The following PC variants were observed in gnomAD, a reference collection of about 807,000 sequenced individuals.
PC encodes pyruvate carboxylase, also known as pyruvate carboxylase, mitochondrial.
PC carries 46 observed loss-of-function variants against 107.8 expected under a neutral mutation model. The ratio of observed to expected loss-of-function variants is 0.43; its 90% CI spans 0.34 to 0.55. The LOEUF (loss-of-function observed/expected upper bound fraction) is 0.55. PC is among the 20% of genes least tolerant of loss of function. The probability of loss-of-function intolerance (pLI) is 0.04; values close to 1 mark genes in which losing one functional copy is unlikely to be tolerated. For missense variants in PC, 1,241 were observed against 1,643.1 expected, an observed-to-expected ratio of 0.76 and a Z score of 4.23; for synonymous variants, 662 against 684.7, an observed-to-expected ratio of 0.97 and a Z score of 0.52.
At chr11:66,953,714 GGCCCT>G (rs2136160423) in intron 2 of PC, among the ~76,000 whole-genome samples, 1 of 152,264 alleles carries the variant, frequency 6.6e-6, no homozygotes, top group South Asian at 2.1e-4. Context: ...TGTACACTCA[GGCCCT>G]GCCCACAAAG....
chr11:66,931,997 C>T lies in PC; in HGVS notation c.-1+20433G>A, dbSNP rs1305230275. Reference sequence around the variant, plus strand: ...TCACGCCACTGCACTCCAGCCTGGGCGACAGAGCGAGACTCTGTCTCAAAA... The same window carrying T: ...TCACGCCACTGCACTCCAGCCTGGGTGACAGAGCGAGACTCTGTCTCAAAA... On this transcript the variant is annotated intron_variant, in intron 3 of 22. Transcript: ENST00000393960. Among the ~76,000 whole-genome samples, 122 of 140,300 alleles carry T rather than the reference C, an allele frequency of 8.7e-4. 2 individuals are homozygous for T. Among genetic ancestry groups the T allele is most frequent in the Admixed American group, 8.1e-3 (108 of 13,294 alleles). The allele number at this position is 140,300 out of a possible 152,430, so 92.0% of individuals were successfully genotyped here. A position where few individuals can be genotyped will look rare whatever the true frequency, so the allele number is the denominator to read the frequency against.
Position 66,858,104 on chromosome 11 carries a change from C to T in PC, c.1369-4721G>A, listed in dbSNP as rs753124954. ...GCACCGGGAGCCTCCGGGGCCCCGT[C>T]AATCTGCAGCACCTCATCCTCAGCG... On this transcript the variant is annotated intron_variant, in intron 12 of 22. Transcript: ENST00000393960. This position sits in a 1 kb window ranked among gnomAD's most constrained non-coding sequence, Gnocchi z 5.9. The T allele has an allele frequency of 3.7e-6, 6 of 1,609,966 alleles. No individual in the cohort carries two copies. In the Admixed American group the frequency reaches 1.0e-4, roughly 27 times the overall value.
intron 3 of PC, among the ~76,000 whole-genome samples, chr11:66,951,249 G>A (rs924513294): frequency 3.3e-5 from 5 of 152,160 alleles, no homozygotes; most frequent in South Asian, 4.1e-4. Context: ...AGTCCCCAAG[G>A]CCACAGCGGG....
At chr11:66,891,090 T>C (rs1192034467) in intron 3 of PC, among the ~76,000 whole-genome samples, 1 of 152,132 alleles carries the variant, frequency 6.6e-6, no homozygotes, top group Non-Finnish European at 1.5e-5. Context: ...AGAGTCTCGC[T>C]CTGTCGCCCA....
At chr11:66,878,581 A>G (rs1947069307) in intron 3 of PC, among the ~76,000 whole-genome samples, 1 of 149,210 alleles carries the variant, frequency 6.7e-6, no homozygotes, top group Non-Finnish European at 1.5e-5. Flanking sequence ...TTGGATCCTC[A>G]TTTTTTCTTG....
chr11:66,873,695 G>A (rs1197131332), intron 3 of PC, among the ~76,000 whole-genome samples: 1 of 149,266 alleles, frequency 6.7e-6, no homozygotes, highest in African/African-American at 2.5e-5. Flanking sequence ...AAAGACAGCT[G>A]CCCAGCACAG....
At position 66,870,499 on chromosome 11, in the gene PC, C is replaced by T. The variant is rs750003221; in HGVS notation, c.752-46G>A. The T allele has an allele frequency of 5.3e-5, 85 of 1,600,550 alleles. No homozygotes were observed. The highest frequency in any genetic ancestry group is 3.2e-4 in the South Asian group (29 of 90,778). On this transcript the variant is annotated intron_variant, in intron 8 of 22. Coordinates refer to ENST00000393960, the MANE Select transcript of PC (RefSeq NM_001040716.2). The surrounding 1 kb of genome is among the most constrained non-coding windows in gnomAD (Gnocchi z 6.1). ...GGCTTAGCTTTTACTGGAATCTACA[C>T]GCCTCCTAAATGCCCCATCACCCCC...
intron 2 of PC, among the ~76,000 whole-genome samples, chr11:66,952,699 C>A (rs1397458210): frequency 3.3e-5 from 5 of 152,178 alleles, no homozygotes; most frequent in African/African-American, 1.2e-4. Flanking sequence ...TGTGCCACCA[C>A]GCCCAGCTAA....
At chr11:66,901,118 T>A (rs1947941406) in intron 3 of PC, among the ~76,000 whole-genome samples, 1 of 152,150 alleles carries the variant, frequency 6.6e-6, no homozygotes, top group Non-Finnish European at 1.5e-5. Flanking sequence ...TTTCCACACC[T>A]GCTGAGTGGA....
chr11:66,932,528 G>T (rs1484643760), intron 3 of PC, among the ~76,000 whole-genome samples: 1 of 152,164 alleles, frequency 6.6e-6, no homozygotes, highest in East Asian at 1.9e-4. Flanking sequence ...TAGCTGATGT[G>T]GGACAAAAAT....
At position 66,851,205 on chromosome 11, in the gene PC, C is replaced by T. The variant is rs1945470980; in HGVS notation, c.2058G>A (p.Met686Ile). Reference protein sequence around the residue: ...VFDSLNYLPNMLLGMEAAGSA... With the variant: ...VFDSLNYLPNILLGMEAAGSA... ...TTCCTGCCGCCTCCATGCCCAGCAG[C>T]ATGTTGGGCAAGTAGTTGAGGGAGT... Residue 686 changes from methionine to isoleucine, a missense_variant, in exon 17 of 23, where the codon ATG becomes ATA. Physicochemically the swap from Met to Ile is conservative, Grantham distance 10. This residue lies in a region of PC where 1,143 missense variants were observed against 1,551.9 expected (regional missense o/e 0.74). Coordinates refer to ENST00000393960, the MANE Select transcript of PC (RefSeq NM_001040716.2). 2 of 1,609,096 alleles carry T rather than the reference C, an allele frequency of 1.2e-6. No individual in the cohort carries two copies. Among genetic ancestry groups the T allele is most frequent in the Middle Eastern group, 1.6e-4 (1 of 6,082 alleles).
At chr11:66,941,825 A>T (rs1949137984) in intron 3 of PC, among the ~76,000 whole-genome samples, 1 of 151,876 alleles carries the variant, frequency 6.6e-6, no homozygotes, top group Non-Finnish European at 1.5e-5. Flanking sequence ...AATTCCGGCC[A>T]GGCGCAGTGG....
At chr11:66,874,908 C>T (rs1280240459) in intron 3 of PC, among the ~76,000 whole-genome samples, 3 of 152,060 alleles carry the variant, frequency 2.0e-5, no homozygotes, top group Non-Finnish European at 4.4e-5. Flanking sequence ...GAAGCTGGGA[C>T]CTGGATGGGG....
intron 12 of PC, chr11:66,859,210 C>T: frequency 7.7e-7 from 1 of 1,295,310 alleles, no homozygotes; most frequent in Non-Finnish European, 1.0e-6. Flanking sequence ...CCCTCCCCGA[C>T]CATGGCTGCT....
chr11:66,893,792 AC>A (rs1331646990), intron 3 of PC, among the ~76,000 whole-genome samples: 1 of 46,622 alleles, frequency 2.1e-5, no homozygotes, highest in African/African-American at 8.2e-5. Flanking sequence ...CCCGCCCCCT[AC>A]CCCCTCACTC....
intron 3 of PC, among the ~76,000 whole-genome samples, chr11:66,916,100 T>C (rs1333841353): frequency 1.3e-5 from 2 of 152,178 alleles, no homozygotes; most frequent in Non-Finnish European, 2.9e-5. Context: ...CAGGAACAAA[T>C]GCGCTCTGTG....
In PC at chr11:66,944,596, TAATA is replaced by T. The variant is rs1347088497; in HGVS notation, c.-1+7830_-1+7833del. On this transcript the variant is annotated intron_variant, in intron 3 of 22. Transcript: ENST00000393960. ...GTCTCAAAAAATAAATAAATAAAAA[TAATA>T]AATAAATAAATTTCTATTGTTTATA... is the stretch of plus-strand genomic sequence containing the variant. Among the ~76,000 whole-genome samples, 2 of 117,202 alleles carry T rather than the reference TAATA, an allele frequency of 1.7e-5. 1 individual carries two copies. Among genetic ancestry groups the T allele is most frequent in the Non-Finnish European group, 3.8e-5 (2 of 52,724 alleles). 76.9% of individuals were successfully genotyped at this position (117,202 alleles called of 152,430 possible). A position where few individuals can be genotyped will look rare whatever the true frequency, so the allele number is the denominator to read the frequency against.
At chr11:66,905,725 G>A (rs1475663959) in intron 3 of PC, among the ~76,000 whole-genome samples, 1 of 152,160 alleles carries the variant, frequency 6.6e-6, no homozygotes, top group East Asian at 1.9e-4. Flanking sequence ...CAGCATAGAA[G>A]TGACAGCCAA....
At chr11:66,850,529 G>A (rs1351111875) in intron 18 of PC, 65 bp from the exon 19 acceptor site, 4 of 1,610,382 alleles carry the variant, frequency 2.5e-6, no homozygotes, top group Non-Finnish European at 3.4e-6. Context: ...CCCAGGGCTA[G>A]CTCAGGTCCC....
Sources: allele counts gnomAD v4.1 joint callset (sites outside exome capture counted in the v4.1 genomes callset), GRCh38; gene constraint gnomAD v4.1.1; regional missense constraint gnomAD v4.1.1; non-coding constraint Gnocchi (gnomAD v3.1); transcripts MANE v1.5; gene names NCBI Gene and HGNC (gene_info 2026-07-23, HGNC 2026-07-21).